SLC12A4: variants seen among roughly 807,000 people sequenced by gnomAD.
SLC12A4 encodes the protein solute carrier family 12 member 4.
In SLC12A4, 84 loss-of-function variants were observed where a neutral mutation model predicts 119.2. The ratio of observed to expected loss-of-function variants is 0.70; its 90% CI spans 0.59 to 0.85. The LOEUF is 0.85. SLC12A4 is among the 40% of genes least tolerant of loss of function. SLC12A4 has a pLI of 0.00. For synonymous variants in SLC12A4, 599 were observed against 604.6 expected (o/e 0.99, Z 0.14); for missense variants, 1,298 against 1,476.3 (o/e 0.88, Z 1.98).
chr16:67,951,682 AGGCTGGGAGGACACTGGGG>A lies in SLC12A4; in HGVS notation c.1132+122_1132+140del. The A allele has an allele frequency of 9.0e-6, 7 of 773,958 alleles. No individual in the cohort carries two copies. The highest frequency in any genetic ancestry group is 1.4e-5 in the Non-Finnish European group (7 of 486,572). The allele number at this position is 773,958 out of a possible 1,614,324, so 47.9% of individuals were successfully genotyped here. On this transcript the variant is annotated intron_variant, in intron 8 of 23. Coordinates refer to ENST00000316341, the MANE Select transcript of SLC12A4 (RefSeq NM_005072.5). This position sits in a 1 kb window ranked among gnomAD's most constrained non-coding sequence, Gnocchi z 5.2. ...ACTCCAAACTCGGCTGCCAGGAGCC[AGGCTGGGAGGACACTGGGG>A]GGCTGGGAAGGCGGCCAGTCCTGCC...
chr16:67,963,713 T>C (rs1238254490), intron 1 of SLC12A4, among the ~76,000 whole-genome samples, 154 bp from the exon 2 acceptor site: 2 of 152,216 alleles, frequency 1.3e-5, no homozygotes, highest in East Asian at 3.9e-4. Flanking sequence ...ACCGTGCCAA[T>C]GCTCTTGAAG....
chr16:67,948,963 C>G (rs1444516498), intron 13 of SLC12A4, among the ~76,000 whole-genome samples: 1 of 152,122 alleles, frequency 6.6e-6, no homozygotes, highest in Admixed American at 6.6e-5. Flanking sequence ...AAGAGGAGGC[C>G]TTTCATAACC....
chr16:67,961,594 G>C lies in SLC12A4; in HGVS notation c.323C>G (p.Thr108Ser), dbSNP rs372943612. The change falls in exon 3 of 24, where the codon ACC (threonine) becomes AGC (serine). Residue 108 changes from threonine to serine, a missense_variant. By Grantham distance (58) the Thr-to-Ser change is moderately conservative (BLOSUM62 1). Coordinates refer to ENST00000316341, the MANE Select transcript of SLC12A4 (RefSeq NM_005072.5). ...GCTCACCTCGGCTGCCCTCCGGCGG[G>C]TGCCCTCCCCACTCTCGGCCTCCTC... ...EHEEAESGEGTRRRAAEAPSM... is the reference protein window; with the variant it reads ...EHEEAESGEGSRRRAAEAPSM... The C allele has an allele frequency of 1.9e-6, 3 of 1,613,720 alleles. No homozygotes were observed. The East Asian group carries it at 6.7e-5, about 36-fold the overall frequency.
Position 67,943,654 on chromosome 16 carries a change from A to T in SLC12A4, c.*1186T>A. The stretch of plus-strand genomic sequence containing the variant: ...GAAGGAGTGGTGGGGCTTGGCCCAG[A>T]GTCTGGTGTGGCTGTGACTGACCAC... On this transcript the variant is annotated 3_prime_UTR_variant, in exon 24 of 24. Transcript: ENST00000316341. The surrounding 1 kb of genome is among the most constrained non-coding windows in gnomAD (Gnocchi z 4.6). The T allele has an allele frequency of 1.9e-6, 1 of 529,104 alleles. No homozygotes were observed. 32.8% of individuals were successfully genotyped at this position (529,104 alleles called of 1,614,324 possible).
At chr16:67,956,166 G>A (rs1443180780) in intron 5 of SLC12A4, among the ~76,000 whole-genome samples, 1 of 152,014 alleles carries the variant, frequency 6.6e-6, no homozygotes, top group Non-Finnish European at 1.5e-5. Context: ...GACACACTCC[G>A]TCTCAAAATA....
intron 17 of SLC12A4, 114 bp downstream of exon 17, chr16:67,946,823 G>T: frequency 7.6e-7 from 1 of 1,315,922 alleles, no homozygotes; most frequent in Non-Finnish European, 1.0e-6. Context: ...TCAGGTGGCA[G>T]CAGTGCTGGC....
chr16:67,954,826 G>A, intron 5 of SLC12A4, 53 bp from the exon 6 acceptor site: 2 of 1,609,140 alleles, frequency 1.2e-6, no homozygotes. Flanking sequence ...CTTCTTCAAG[G>A]GGTCTCCCTG....
chr16:67,949,714 C>T lies in SLC12A4; in HGVS notation c.1748+86G>A. 6 of 888,406 alleles carry T rather than the reference C, an allele frequency of 6.8e-6. No individual in the cohort carries two copies. Among genetic ancestry groups the T allele is most frequent in the Non-Finnish European group, 5.3e-6 (3 of 571,270 alleles). 55.0% of individuals were successfully genotyped at this position (888,406 alleles called of 1,614,324 possible). A position where few individuals can be genotyped will look rare whatever the true frequency, so the allele number is the denominator to read the frequency against. ...CAGCCTGCCACATCTCCCAGCTGGA[C>T]CTCCAACACCAGACGCAGCCACGGG... On this transcript the variant is annotated intron_variant, in intron 13 of 23. Coordinates refer to ENST00000316341, the MANE Select transcript of SLC12A4 (RefSeq NM_005072.5). This position sits in a 1 kb window ranked among gnomAD's most constrained non-coding sequence, Gnocchi z 4.6.
chr16:67,953,253 G>A (rs2030044076), intron 6 of SLC12A4, among the ~76,000 whole-genome samples: 1 of 151,980 alleles, frequency 6.6e-6, no homozygotes, highest in African/African-American at 2.4e-5. Context: ...TGGGCGTGGT[G>A]GCATGAGCCT....
At chr16:67,968,687 C>T, upstream of SLC12A4, 1 of 1,252,300 alleles carries the variant, frequency 8.0e-7, no homozygotes, top group Non-Finnish European at 1.0e-6. Flanking sequence ...CTCCGCCCGC[C>T]CCCCGGGCCG....
At chr16:67,953,399 TAAATAA>T (rs2030056329) in intron 6 of SLC12A4, among the ~76,000 whole-genome samples, 1 of 151,720 alleles carries the variant, frequency 6.6e-6, no homozygotes, top group African/African-American at 2.4e-5. Context: ...AACAAATAAA[TAAATAA>T]AAATAAAAAA....
chr16:67,947,532 C>G, intron 15 of SLC12A4, 97 bp from the exon 16 acceptor site: 4 of 1,491,302 alleles, frequency 2.7e-6, no homozygotes, highest in Non-Finnish European at 3.6e-6. Flanking sequence ...TCAAGACCAC[C>G]CAGGGGTCCT....
chr16:67,958,014 A>G lies in SLC12A4; in HGVS notation c.373T>C (p.Tyr125His), dbSNP rs780182357. 1 of 1,614,170 alleles carries G rather than the reference A, an allele frequency of 6.2e-7. No individual in the cohort carries two copies. The highest frequency in any genetic ancestry group is 8.5e-7 in the Non-Finnish European group (1 of 1,179,994). ...AAGATATTCTGCAGGCAGGGCAGGT[A>G]CACCCCCATGAGGGTGCCCATGCTG... ...APSMGTLMGVYLPCLQNIFGV... is the reference protein window; with the variant it reads ...APSMGTLMGVHLPCLQNIFGV... The change falls in exon 4 of 24, where the codon TAC becomes CAC. Residue 125 changes from tyrosine to histidine, a missense_variant. Tyr to His is a moderately conservative substitution (Grantham distance 83). Coordinates refer to ENST00000316341, the MANE Select transcript of SLC12A4 (RefSeq NM_005072.5).
intron 15 of SLC12A4, 27 bp from the exon 16 acceptor site, chr16:67,947,462 C>A: frequency 6.2e-7 from 1 of 1,602,692 alleles, no homozygotes; most frequent in Non-Finnish European, 8.5e-7. Flanking sequence ...AGCTGGTGAG[C>A]CCCTGGTGCC....
Position 67,951,756 on chromosome 16 carries a change from G to T in SLC12A4, c.1132+67C>A. ...TTCCCAAGCTGGCCACACAAGGACA[G>T]CTCTGTGCTCTGTGCCCCTGCTCAG... On this transcript the variant is annotated intron_variant, in intron 8 of 23. Transcript: ENST00000316341. This position sits in a 1 kb window ranked among gnomAD's most constrained non-coding sequence, Gnocchi z 5.2. 1 of 1,388,054 alleles carries T rather than the reference G, an allele frequency of 7.2e-7. No homozygotes were observed. The highest frequency in any genetic ancestry group is 9.9e-7 in the Non-Finnish European group (1 of 1,005,724). 86.0% of individuals were successfully genotyped at this position (1,388,054 alleles called of 1,614,324 possible).
intron 1 of SLC12A4, chr16:67,963,842 ACGGGGCCTGCAGAGGGG>A (rs556589413): frequency 6.7e-7 from 1 of 1,501,998 alleles, no homozygotes; most frequent in African/African-American, 1.4e-5. Flanking sequence ...ACACTGAGGG[ACGGGGCCTGCAGAGGGG>A]CGGGGCCAGC....
chr16:67,952,098 G>T, intron 7 of SLC12A4, 61 bp from the exon 8 acceptor site: 1 of 1,607,664 alleles, frequency 6.2e-7, no homozygotes, highest in Admixed American at 1.7e-5. Context: ...TGCCCACCCT[G>T]CAGTCTCTGG....
At chr16:67,968,303 G>T in intron 1 of SLC12A4, 136 bp downstream of exon 1, 1 of 728,092 alleles carries the variant, frequency 1.4e-6, no homozygotes, top group Non-Finnish European at 2.0e-6. Context: ...TGGCAGCGGC[G>T]CGGTCCAAAA....
chr16:67,954,964 C>T (rs905103997), intron 5 of SLC12A4, among the ~76,000 whole-genome samples, 191 bp from the exon 6 acceptor site: 2 of 152,180 alleles, frequency 1.3e-5, no homozygotes, highest in Non-Finnish European at 2.9e-5. Flanking sequence ...TCGATCCTAT[C>T]CCCATCTGAC....
Sources: allele counts gnomAD v4.1 joint callset (sites outside exome capture counted in the v4.1 genomes callset), GRCh38; gene constraint gnomAD v4.1.1; non-coding constraint Gnocchi (gnomAD v3.1); transcripts MANE v1.5; gene names NCBI Gene and HGNC (gene_info 2026-07-23, HGNC 2026-07-21).